The following DPYD variants were observed in gnomAD, a reference collection of about 807,000 sequenced individuals.
DPYD encodes the protein dihydropyrimidine dehydrogenase [NADP(+)].
Under a neutral mutation model 116.2 loss-of-function variants are expected in DPYD, and 109 were observed. That is an observed-to-expected ratio of 0.94 (90% CI 0.80 to 1.10). The LOEUF is 1.10. Ranked by LOEUF, DPYD falls within the 50% of genes least tolerant of loss-of-function variation. DPYD has a pLI of 0.00. For missense variants in DPYD, 1,302 were observed against 1,254.5 expected (o/e 1.04, Z -0.57); for synonymous variants, 440 against 432.0 (o/e 1.02, Z -0.23).
At chr1:97,716,109 T>C (rs978986326) in intron 5 of DPYD, among the ~76,000 whole-genome samples, 3 of 152,100 alleles carry the variant, frequency 2.0e-5, no homozygotes, top group African/African-American at 7.2e-5. Context: ...ATTTAAATAA[T>C]TGTTAAATGT....
chr1:97,879,437 T>G (rs186177136), intron 2 of DPYD, among the ~76,000 whole-genome samples: 5 of 152,020 alleles, frequency 3.3e-5, no homozygotes, highest in African/African-American at 1.2e-4. Context: ...TTTCTGGTCT[T>G]CAAAAATTGC....
At chr1:97,181,160 T>G (rs1570617161) in intron 20 of DPYD, among the ~76,000 whole-genome samples, 1 of 152,080 alleles carries the variant, frequency 6.6e-6, no homozygotes, top group East Asian at 1.9e-4. Context: ...ATCACGAGCT[T>G]CCTCTATACA....
intron 3 of DPYD, among the ~76,000 whole-genome samples, chr1:97,748,662 T>C (rs921962199): frequency 1.3e-5 from 2 of 152,152 alleles, no homozygotes; most frequent in Non-Finnish European, 2.9e-5. Flanking sequence ...TCAGTGCGTA[T>C]CCTATTAGCG....
At chr1:97,551,920 T>C (rs1651349828) in intron 11 of DPYD, among the ~76,000 whole-genome samples, 2 of 152,140 alleles carry the variant, frequency 1.3e-5, no homozygotes, top group South Asian at 2.1e-4. Context: ...AGCATATACA[T>C]TGTATTAGAT....
chr1:97,511,082 C>T (rs1351595973), intron 13 of DPYD, among the ~76,000 whole-genome samples: 1 of 151,898 alleles, frequency 6.6e-6, no homozygotes, highest in African/African-American at 2.4e-5. Flanking sequence ...TTGAGGCCAG[C>T]TGACACCCTG....
Position 97,223,266 on chromosome 1 carries a change from C to T in DPYD, c.2442+11586G>A, listed in dbSNP as rs139324385. Among the ~76,000 whole-genome samples the T allele has an allele frequency of 4.1e-3, 631 of 152,074 alleles. 5 individuals are homozygous for T. The highest frequency in any genetic ancestry group is 0.017 in the South Asian group (83 of 4,818). On this transcript the variant is annotated intron_variant, in intron 19 of 22. Transcript: ENST00000370192. Reference sequence around the variant, plus strand: ...AATTGATTTGGTTATCTGAGTTCAGCGAGTGGCCGTCATGTGACCATGACT... The same window carrying T: ...AATTGATTTGGTTATCTGAGTTCAGTGAGTGGCCGTCATGTGACCATGACT...
chr1:97,241,525 C>T (rs1260118194), intron 18 of DPYD, among the ~76,000 whole-genome samples: 1 of 151,934 alleles, frequency 6.6e-6, no homozygotes, highest in Admixed American at 6.6e-5. Flanking sequence ...CATGAAAGTT[C>T]CCATTTTCAG....
chr1:97,628,107 G>A (rs946484498), intron 8 of DPYD, among the ~76,000 whole-genome samples: 4 of 151,978 alleles, frequency 2.6e-5, no homozygotes, highest in Non-Finnish European at 5.9e-5. Flanking sequence ...TGGGGGAAAG[G>A]GAAAGGGTCT....
intron 2 of DPYD, among the ~76,000 whole-genome samples, chr1:97,857,649 T>A (rs1459209162): frequency 6.6e-6 from 1 of 152,160 alleles, no homozygotes; most frequent in East Asian, 1.9e-4. Context: ...ACCCTATGCA[T>A]CTCTTCATCT....
chr1:97,263,680 A>G (rs6660936), intron 18 of DPYD, among the ~76,000 whole-genome samples: 104,323 of 151,964 alleles, frequency 0.69, 36,171 homozygotes, highest in Middle Eastern at 0.77. Context: ...AATACATGAT[A>G]TGAAAAATAG....
At chr1:97,476,606 G>T (rs1044606503) in intron 13 of DPYD, among the ~76,000 whole-genome samples, 1 of 152,048 alleles carries the variant, frequency 6.6e-6, no homozygotes, top group Non-Finnish European at 1.5e-5. Context: ...TAGGCAATAG[G>T]AAGTACCACA....
intron 14 of DPYD, among the ~76,000 whole-genome samples, chr1:97,435,493 A>G (rs1443043870): frequency 1.3e-5 from 2 of 151,904 alleles, no homozygotes; most frequent in Non-Finnish European, 2.9e-5. Context: ...CTGGTGATTA[A>G]GCTAGTAGTC....
intron 8 of DPYD, among the ~76,000 whole-genome samples, chr1:97,606,389 G>A (rs1462912679): frequency 1.3e-5 from 2 of 151,932 alleles, no homozygotes; most frequent in Non-Finnish European, 2.9e-5. Context: ...ATGAGAGAAG[G>A]ATGCATAGGT....
intron 16 of DPYD, among the ~76,000 whole-genome samples, chr1:97,371,225 T>G (rs1168031889): frequency 6.6e-6 from 1 of 152,182 alleles, no homozygotes; most frequent in Non-Finnish European, 1.5e-5. Flanking sequence ...TAGAGAGGAA[T>G]GTGTACTGAA....
intron 3 of DPYD, among the ~76,000 whole-genome samples, chr1:97,770,280 G>A (rs893611683): frequency 1.3e-5 from 2 of 152,246 alleles, no homozygotes; most frequent in Admixed American, 1.3e-4. Flanking sequence ...CTTTACAGGG[G>A]TATGATATAT....
chr1:97,149,565 C>T (rs989783710), intron 20 of DPYD, among the ~76,000 whole-genome samples: 2 of 152,132 alleles, frequency 1.3e-5, no homozygotes, highest in African/African-American at 2.4e-5. Flanking sequence ...TAACTTTTGT[C>T]TTTCTCCAGT....
intron 11 of DPYD, among the ~76,000 whole-genome samples, chr1:97,570,250 T>C (rs978595271): frequency 6.6e-6 from 1 of 152,038 alleles, no homozygotes; most frequent in Non-Finnish European, 1.5e-5. Flanking sequence ...ATTATTGATA[T>C]ATTTGAGATT....
chr1:97,908,525 T>C (rs1673763769), intron 1 of DPYD, among the ~76,000 whole-genome samples: 1 of 151,950 alleles, frequency 6.6e-6, no homozygotes, highest in African/African-American at 2.4e-5. Flanking sequence ...TTTACACCAG[T>C]CTTAGTGACT....
At chr1:97,427,607 C>G (rs948245117) in intron 14 of DPYD, among the ~76,000 whole-genome samples, 6 of 151,894 alleles carry the variant, frequency 4.0e-5, no homozygotes, top group African/African-American at 1.2e-4. Context: ...CTTCCTCTTT[C>G]GGTCTTGTGT....
Sources: allele counts gnomAD v4.1 joint callset (sites outside exome capture counted in the v4.1 genomes callset), GRCh38; gene constraint gnomAD v4.1.1; transcripts MANE v1.5; gene names NCBI Gene and HGNC (gene_info 2026-07-23, HGNC 2026-07-21).